SH3PXD2A: variants seen among roughly 807,000 people sequenced by gnomAD.
SH3PXD2A encodes SH3 and PX domain-containing protein 2A.
SH3PXD2A carries 32 observed loss-of-function variants against 115.2 expected under a neutral mutation model. The ratio of observed to expected loss-of-function variants is 0.28; its 90% CI spans 0.21 to 0.37. The LOEUF (loss-of-function observed/expected upper bound fraction) is 0.37, where lower values mean the gene tolerates loss of function less well. Ranked by LOEUF, SH3PXD2A falls within the 10% of genes least tolerant of loss-of-function variation. The probability of loss-of-function intolerance (pLI) is 1.00; values close to 1 mark genes in which losing one functional copy is unlikely to be tolerated. For synonymous variants in SH3PXD2A, 610 were observed against 629.1 expected (o/e 0.97, Z 0.45); for missense variants, 1,328 against 1,498.7 (o/e 0.89, Z 1.88).
intron 6 of SH3PXD2A, among the ~76,000 whole-genome samples, chr10:103,685,094 T>G (rs1019598583): frequency 1.3e-5 from 2 of 152,096 alleles, no homozygotes; most frequent in Non-Finnish European, 2.9e-5. Flanking sequence ...TCCCAGCACT[T>G]TGGGAGGCCA....
At chr10:103,697,223 C>T (rs986883892) in intron 5 of SH3PXD2A, among the ~76,000 whole-genome samples, 1 of 152,094 alleles carries the variant, frequency 6.6e-6, no homozygotes, top group Admixed American at 6.5e-5. Flanking sequence ...AATAATAGCA[C>T]CAAACCCCTG....
chr10:103,775,234 T>C (rs1287067898), intron 2 of SH3PXD2A, among the ~76,000 whole-genome samples: 2 of 152,162 alleles, frequency 1.3e-5, no homozygotes, highest in Non-Finnish European at 2.9e-5. Flanking sequence ...TCTTTGACCA[T>C]TTTCTGGAAA....
intron 10 of SH3PXD2A, among the ~76,000 whole-genome samples, chr10:103,621,998 CCTT>C (rs2036612308): frequency 6.6e-6 from 1 of 152,194 alleles, no homozygotes; most frequent in Non-Finnish European, 1.5e-5. Flanking sequence ...GTGAGCCAGT[CCTT>C]CTTTCTGCTT....
intron 1 of SH3PXD2A, among the ~76,000 whole-genome samples, chr10:103,820,034 C>T (rs1401703224): frequency 6.6e-6 from 1 of 152,112 alleles, no homozygotes; most frequent in Non-Finnish European, 1.5e-5. Context: ...TTGGACAGTT[C>T]AGAGTGACTA....
At chr10:103,700,482 C>T (rs373365008) in intron 5 of SH3PXD2A, among the ~76,000 whole-genome samples, 4 of 152,104 alleles carry the variant, frequency 2.6e-5, no homozygotes, top group Non-Finnish European at 4.4e-5. Flanking sequence ...TGTGTGAGAC[C>T]CTGGCTCTGT....
At chr10:103,747,865 G>C (rs959294878) in intron 3 of SH3PXD2A, among the ~76,000 whole-genome samples, 15 of 152,084 alleles carry the variant, frequency 9.9e-5, no homozygotes, top group African/African-American at 3.6e-4. Flanking sequence ...GCCTAGGTTG[G>C]TCTTGAACTC....
At chr10:103,748,131 C>T (rs1166076095) in intron 3 of SH3PXD2A, among the ~76,000 whole-genome samples, 2 of 152,170 alleles carry the variant, frequency 1.3e-5, no homozygotes, top group Non-Finnish European at 1.5e-5. Flanking sequence ...AGCCCTGTGC[C>T]GTGTACTTTA....
chr10:103,788,226 T>C (rs928607339), intron 2 of SH3PXD2A, among the ~76,000 whole-genome samples: 16 of 152,134 alleles, frequency 1.1e-4, no homozygotes, highest in African/African-American at 3.1e-4. Flanking sequence ...AACAGCTCTA[T>C]GGGACAGGCT....
At chr10:103,613,588 T>C (rs1170431811) in intron 11 of SH3PXD2A, among the ~76,000 whole-genome samples, 2 of 152,204 alleles carry the variant, frequency 1.3e-5, no homozygotes, top group South Asian at 2.1e-4. Context: ...ATGTGGTATG[T>C]AGAGGTAAAT....
chr10:103,836,460 AAC>A (rs1045680818), intron 1 of SH3PXD2A, among the ~76,000 whole-genome samples: 15 of 150,644 alleles, frequency 1.0e-4, no homozygotes, highest in African/African-American at 3.4e-4. Context: ...CACATCCCCT[AAC>A]ACACACACTC....
chr10:103,648,849 C>A (rs1319171071), intron 8 of SH3PXD2A, among the ~76,000 whole-genome samples: 1 of 152,252 alleles, frequency 6.6e-6, no homozygotes, highest in African/African-American at 2.4e-5. Flanking sequence ...TGCGTGTGCA[C>A]ACCCTTTGGC....
chr10:103,758,583 T>C (rs1320103297), intron 3 of SH3PXD2A, among the ~76,000 whole-genome samples: 1 of 152,246 alleles, frequency 6.6e-6, no homozygotes, highest in African/African-American at 2.4e-5. Flanking sequence ...ATGTGTTCAA[T>C]AAATATCTGT....
intron 1 of SH3PXD2A, among the ~76,000 whole-genome samples, chr10:103,810,606 G>A (rs949229631): frequency 2.6e-5 from 4 of 152,118 alleles, no homozygotes; most frequent in African/African-American, 7.2e-5. Context: ...TTGCTGCGAA[G>A]TGTGGTTTCT....
At chr10:103,734,615 G>T (rs2038359188) in intron 4 of SH3PXD2A, among the ~76,000 whole-genome samples, 1 of 152,262 alleles carries the variant, frequency 6.6e-6, no homozygotes, top group African/African-American at 2.4e-5. Context: ...CAGGCATGGT[G>T]GCGCACTCCT....
intron 2 of SH3PXD2A, among the ~76,000 whole-genome samples, chr10:103,775,853 C>T (rs2038872771): frequency 6.6e-6 from 1 of 152,160 alleles, no homozygotes; most frequent in Admixed American, 6.5e-5. Context: ...CAGAACCCAG[C>T]TCAAGGACGG....
chr10:103,703,639 C>G (rs1405209443), intron 5 of SH3PXD2A, among the ~76,000 whole-genome samples: 1 of 152,252 alleles, frequency 6.6e-6, no homozygotes, highest in Non-Finnish European at 1.5e-5. Flanking sequence ...GAAATAGTCT[C>G]TATCTGTCCT....
At chr10:103,812,878 C>T (rs1004777116) in intron 1 of SH3PXD2A, among the ~76,000 whole-genome samples, 7 of 152,164 alleles carry the variant, frequency 4.6e-5, no homozygotes, top group Admixed American at 6.5e-5. Context: ...CAATTTCTGT[C>T]GCCAAACTTG....
At chr10:103,781,766 G>A (rs975127321) in intron 2 of SH3PXD2A, among the ~76,000 whole-genome samples, 3 of 152,138 alleles carry the variant, frequency 2.0e-5, no homozygotes, top group Admixed American at 1.3e-4. Context: ...GCTTTCCCCC[G>A]GAAGGACTGA....
rs1268478070 is a variant in SH3PXD2A, at chr10:103,602,113, C to G, written c.3105G>C (p.Arg1035=). ...AAEAKGRLAE[R]AASQGSDSPL... ...GTGAGTCTGAACCCTGGCTGGCAGC[C>G]CGTTCGGCCAGGCGGCCCTTGGCCT... Residue 1035 remains arginine (R), a synonymous_variant, in exon 15 of 15, where the codon CGG becomes CGC. Transcript: ENST00000369774. 1.3e-6 allele frequency: 2 copies of G among 1,587,868 alleles called. No individual in the cohort carries two copies. The highest frequency in any genetic ancestry group is 3.4e-5 in the Admixed American group (2 of 58,100).
Sources: gnomAD v4.1 joint callset for allele counts (sites outside exome capture counted in the v4.1 genomes callset) on GRCh38, gnomAD v4.1.1 for gene constraint, MANE v1.5 for transcripts, NCBI Gene and HGNC (gene_info 2026-07-23, HGNC 2026-07-21) for gene names.